Variants in TPRG1 observed in about 807,000 individuals in gnomAD.
The protein encoded by TPRG1 is tumor protein p63 regulated 1.
Under a neutral mutation model 29.3 loss-of-function variants are expected in TPRG1, and 29 were observed. The observed-to-expected ratio is 0.99, with a 90% CI of 0.74 to 1.35. The LOEUF is 1.35. Among genes scored for constraint, TPRG1 ranks in the 40% most tolerant of loss-of-function variants. TPRG1 has a pLI of 0.00. For missense variants in TPRG1, 327 were observed against 335.0 expected (o/e 0.98, Z 0.19); for synonymous variants, 130 against 116.8 (o/e 1.11, Z -0.73).
chr3:189,317,057 T>C (rs1723651987), intron 5 of TPRG1, among the ~76,000 whole-genome samples: 1 of 152,166 alleles, frequency 6.6e-6, no homozygotes, highest in South Asian at 2.1e-4. Context: ...TCATTGAGTA[T>C]GAAATAGTGC....
At chr3:189,216,163 A>G (rs1171342564) in intron 3 of TPRG1, among the ~76,000 whole-genome samples, 2 of 152,282 alleles carry the variant, frequency 1.3e-5, no homozygotes, top group East Asian at 3.9e-4. Context: ...TTAAATAGAT[A>G]ATTTGATTAG....
intron 4 of TPRG1, among the ~76,000 whole-genome samples, chr3:189,262,422 G>T (rs1032010896): frequency 1.3e-5 from 2 of 152,018 alleles, no homozygotes; most frequent in Non-Finnish European, 2.9e-5. Flanking sequence ...AGAGAGGTCG[G>T]TTGAGACAAA....
At chr3:189,081,663 A>T (rs1330052785) in intron 4 of TPRG1, among the ~76,000 whole-genome samples, 1 of 152,216 alleles carries the variant, frequency 6.6e-6, no homozygotes, top group East Asian at 1.9e-4. Flanking sequence ...TCTATTCTGA[A>T]TTTTCCTTAT....
intron 3 of TPRG1, among the ~76,000 whole-genome samples, chr3:189,133,887 G>A (rs757996380): frequency 6.6e-6 from 1 of 152,172 alleles, no homozygotes; most frequent in Non-Finnish European, 1.5e-5. Context: ...GTATGTTAAA[G>A]TCATTGAGTG....
At chr3:189,014,784 G>C (rs1014744517) in intron 3 of TPRG1, among the ~76,000 whole-genome samples, 1 of 152,118 alleles carries the variant, frequency 6.6e-6, no homozygotes, top group Non-Finnish European at 1.5e-5. Flanking sequence ...TAGGTTCCCT[G>C]AGGAGCCCCA....
chr3:189,190,979 T>G, intron 1 of TPRG1: 1 of 985,414 alleles, frequency 1.0e-6, no homozygotes, highest in Non-Finnish European at 1.2e-6. Flanking sequence ...GAAATGCGAA[T>G]ATCACAGGTA....
At chr3:189,127,206 C>T (rs1722589099) in exon 2 of TPRG1, 1 of 152,148 alleles carries the variant, frequency 6.6e-6, no homozygotes, top group South Asian at 2.1e-4. Context: ...TGATATACCT[C>T]CAAGGTGAGT....
chr3:189,240,909 C>G (rs900126481), intron 4 of TPRG1, among the ~76,000 whole-genome samples: 4 of 152,156 alleles, frequency 2.6e-5, no homozygotes, highest in Non-Finnish European at 5.9e-5. Flanking sequence ...AGTGATATAA[C>G]TTGGAGGTTT....
intron 5 of TPRG1, among the ~76,000 whole-genome samples, chr3:189,313,595 T>C (rs1471324332): frequency 6.6e-6 from 1 of 152,196 alleles, no homozygotes; most frequent in Non-Finnish European, 1.5e-5. Flanking sequence ...AAATTATTAT[T>C]TTAAAATACA....
At chr3:189,008,183 T>C (rs1712406767) in intron 3 of TPRG1, among the ~76,000 whole-genome samples, 1 of 151,938 alleles carries the variant, frequency 6.6e-6, no homozygotes, top group Non-Finnish European at 1.5e-5. Context: ...TCTGCATGTG[T>C]GTGAGTGGTG....
At chr3:189,270,055 CTTCTTT>C (rs1409512561) in intron 4 of TPRG1, among the ~76,000 whole-genome samples, 1,905 of 142,968 alleles carry the variant, frequency 0.013, 34 homozygotes, top group African/African-American at 0.05. Flanking sequence ...TCTTCTTCTT[CTTCTTT>C]TTTGTCTGTA....
At chr3:189,031,681 T>TC (rs1560404656) in intron 4 of TPRG1, among the ~76,000 whole-genome samples, 1 of 152,220 alleles carries the variant, frequency 6.6e-6, no homozygotes, top group Non-Finnish European at 1.5e-5. Flanking sequence ...TATAGGACAG[T>TC]GTTCTTTAAT....
chr3:189,225,086 C>T (rs1737525325), intron 3 of TPRG1, among the ~76,000 whole-genome samples: 1 of 152,140 alleles, frequency 6.6e-6, no homozygotes, highest in Non-Finnish European at 1.5e-5. Context: ...CGCCCGCCAC[C>T]ACGCCTGGCT....
intron 4 of TPRG1, among the ~76,000 whole-genome samples, chr3:189,040,172 G>C (rs1714540955): frequency 6.6e-6 from 1 of 152,116 alleles, no homozygotes; most frequent in African/African-American, 2.4e-5. Context: ...TATAAGTCAT[G>C]TTTTCTCTTG....
chr3:189,269,044 C>T (rs1286077062), intron 4 of TPRG1, among the ~76,000 whole-genome samples: 1 of 151,648 alleles, frequency 6.6e-6, no homozygotes, highest in Non-Finnish European at 1.5e-5. Context: ...ATTTCTAACT[C>T]TTTGGGCATC....
At chr3:189,109,921 A>G (rs988477041) in intron 1 of TPRG1, among the ~76,000 whole-genome samples, 8 of 152,150 alleles carry the variant, frequency 5.3e-5, no homozygotes, top group Non-Finnish European at 8.8e-5. Flanking sequence ...ATTAAGCCCT[A>G]TGAATCTTAT....
chr3:189,256,986 A>G (rs7619534), intron 4 of TPRG1, among the ~76,000 whole-genome samples: 32,442 of 152,004 alleles, frequency 0.21, 4,581 homozygotes, highest in African/African-American at 0.41. Flanking sequence ...TTTTAATTGG[A>G]GAATTTAGAC....
chr3:189,280,639 G>A (rs1259022315), intron 4 of TPRG1, among the ~76,000 whole-genome samples: 1 of 152,120 alleles, frequency 6.6e-6, no homozygotes, highest in Non-Finnish European at 1.5e-5. Context: ...AAGGTAAAGG[G>A]AAGGTGATTG....
intron 4 of TPRG1, among the ~76,000 whole-genome samples, chr3:189,056,101 C>A (rs960274203): frequency 8.2e-6 from 1 of 121,936 alleles, no homozygotes; most frequent in African/African-American, 3.1e-5. Context: ...TCCTTCCTTC[C>A]CTCTTTCTTT....
Sources: gnomAD v4.1 joint callset for allele counts (sites outside exome capture counted in the v4.1 genomes callset) on GRCh38, gnomAD v4.1.1 for gene constraint, MANE v1.5 for transcripts, NCBI Gene and HGNC (gene_info 2026-07-23, HGNC 2026-07-21) for gene names.